The following GNA14 variants were observed in gnomAD, a reference collection of about 807,000 sequenced individuals.
The protein encoded by GNA14 is guanine nucleotide-binding protein subunit alpha-14.
GNA14 carries 50 observed loss-of-function variants against 42.0 expected under a neutral mutation model. The ratio of observed to expected loss-of-function variants is 1.19; its 90% confidence interval spans 0.95 to 1.51. The LOEUF (loss-of-function observed/expected upper bound fraction) is 1.51. GNA14 is among the 40% of genes most tolerant of loss of function. GNA14 has a pLI of 0.00. For synonymous variants in GNA14, 173 were observed against 163.1 expected (o/e 1.06, Z -0.46); for missense variants, 473 against 446.2 (o/e 1.06, Z -0.54).
At chr9:77,485,200 C>G (rs1167976601) in intron 2 of GNA14, among the ~76,000 whole-genome samples, 1 of 152,178 alleles carries the variant, frequency 6.6e-6, no homozygotes, top group African/African-American at 2.4e-5. Context: ...ATATAATACT[C>G]TAAATCTTTT....
intron 1 of GNA14, among the ~76,000 whole-genome samples, chr9:77,599,731 G>A (rs1470546042): frequency 1.3e-5 from 2 of 152,046 alleles, no homozygotes; most frequent in Non-Finnish European, 2.9e-5. Flanking sequence ...ACATGCCGTC[G>A]GGCCTCCTTC....
intron 1 of GNA14, among the ~76,000 whole-genome samples, chr9:77,573,055 G>C (rs1823082605): frequency 6.6e-6 from 1 of 152,168 alleles, no homozygotes; most frequent in Non-Finnish European, 1.5e-5. Context: ...CTGCTTGAAA[G>C]TTACTTTTAT....
At chr9:77,476,141 G>A (rs1304199990) in intron 2 of GNA14, among the ~76,000 whole-genome samples, 2 of 152,214 alleles carry the variant, frequency 1.3e-5, no homozygotes, top group Non-Finnish European at 2.9e-5. Flanking sequence ...GGGGAGGGAT[G>A]TGGTCAGAAT....
chr9:77,463,264 T>A (rs1225627922), intron 2 of GNA14, among the ~76,000 whole-genome samples: 3 of 152,124 alleles, frequency 2.0e-5, no homozygotes, highest in African/African-American at 7.2e-5. Flanking sequence ...GCCATCACAA[T>A]CAGATGCGGC....
rs116146077 is a variant in GNA14, at chr9:77,604,673, C to T, written c.124+42997G>A. On this transcript the variant is annotated intron_variant, in intron 1 of 6. Coordinates refer to ENST00000341700, the MANE Select transcript of GNA14 (RefSeq NM_004297.4). ...GAAGCAAAATCACATAATCCAGAGC[C>T]CAGAGGCCTGAGATCAAGTCATGGC... Among the ~76,000 whole-genome samples the T allele has an allele frequency of 5.1e-3, 784 of 152,288 alleles. 8 individuals carry two copies. Among genetic ancestry groups the T allele is most frequent in the African/African-American group, 0.018 (734 of 41,548 alleles).
chr9:77,526,251 G>A (rs1241508390), intron 2 of GNA14, among the ~76,000 whole-genome samples: 1 of 151,924 alleles, frequency 6.6e-6, no homozygotes, highest in African/African-American at 2.4e-5. Context: ...GATTAGAATT[G>A]GGTCTTAGAG....
chr9:77,630,628 TAAGA>T (rs1824082788), intron 1 of GNA14, among the ~76,000 whole-genome samples: 1 of 152,192 alleles, frequency 6.6e-6, no homozygotes, highest in Non-Finnish European at 1.5e-5. Context: ...ATCAAAGGAT[TAAGA>T]AACATCCCTT....
At chr9:77,595,936 G>A (rs932525217) in intron 1 of GNA14, among the ~76,000 whole-genome samples, 1 of 151,892 alleles carries the variant, frequency 6.6e-6, no homozygotes, top group Admixed American at 6.6e-5. Flanking sequence ...CCAAGCACAG[G>A]GCTACATTTG....
At chr9:77,568,093 T>A (rs1038899586) in intron 1 of GNA14, among the ~76,000 whole-genome samples, 1 of 152,156 alleles carries the variant, frequency 6.6e-6, no homozygotes, top group Non-Finnish European at 1.5e-5. Flanking sequence ...TTCTTGTTTA[T>A]CACTTTACCT....
At chr9:77,485,881 T>A (rs1836651557) in intron 2 of GNA14, among the ~76,000 whole-genome samples, 2 of 152,190 alleles carry the variant, frequency 1.3e-5, no homozygotes, top group Admixed American at 1.3e-4. Flanking sequence ...CATCCAGGCT[T>A]TGTTGTTCCA....
intron 1 of GNA14, among the ~76,000 whole-genome samples, chr9:77,569,770 C>CTTTTT (rs3052392): frequency 1.4e-5 from 2 of 142,954 alleles, no homozygotes; most frequent in African/African-American, 2.6e-5. Context: ...TCCTTTCTTT[C>CTTTTT]TTTTTTTTTT....
intron 2 of GNA14, among the ~76,000 whole-genome samples, chr9:77,507,200 C>T (rs1440964809): frequency 6.6e-6 from 1 of 152,156 alleles, no homozygotes; most frequent in African/African-American, 2.4e-5. Context: ...TTTTAAAAGT[C>T]AGAACACTTC....
chr9:77,633,163 C>G (rs1280523700), intron 1 of GNA14, among the ~76,000 whole-genome samples: 2 of 152,110 alleles, frequency 1.3e-5, no homozygotes, highest in Non-Finnish European at 2.9e-5. Flanking sequence ...CTAGGAAAAG[C>G]ACTATTTTTA....
At chr9:77,598,017 C>T (rs1489746093) in intron 1 of GNA14, among the ~76,000 whole-genome samples, 1 of 152,104 alleles carries the variant, frequency 6.6e-6, no homozygotes, top group Non-Finnish European at 1.5e-5. Context: ...CCAGCCTGGG[C>T]AACAGAGCAA....
intron 2 of GNA14, among the ~76,000 whole-genome samples, chr9:77,474,485 AAAAG>A (rs1451464764): frequency 6.6e-6 from 1 of 152,244 alleles, no homozygotes; most frequent in African/African-American, 2.4e-5. Context: ...ACTGTCACCA[AAAAG>A]ATAGACAATA....
intron 1 of GNA14, among the ~76,000 whole-genome samples, chr9:77,572,967 G>A (rs1327331581): frequency 6.6e-6 from 1 of 152,144 alleles, no homozygotes; most frequent in African/African-American, 2.4e-5. Flanking sequence ...TGACTAATAA[G>A]CCAACAATAT....
chr9:77,559,239 C>A (rs928748090), intron 1 of GNA14, among the ~76,000 whole-genome samples: 3 of 152,234 alleles, frequency 2.0e-5, no homozygotes, highest in African/African-American at 7.2e-5. Context: ...AGGAGACCAA[C>A]TTCCCAGAGG....
intron 1 of GNA14, among the ~76,000 whole-genome samples, chr9:77,578,088 AAATGGTG>A (rs1333118491): frequency 1.7e-5 from 2 of 118,840 alleles, no homozygotes; most frequent in Non-Finnish European, 3.2e-5. Context: ...CAACATGGTG[AAATGGTG>A]AAACTCCGTC....
intron 1 of GNA14, among the ~76,000 whole-genome samples, chr9:77,574,680 C>T (rs940933133): frequency 6.6e-6 from 1 of 152,182 alleles, no homozygotes; most frequent in East Asian, 1.9e-4. Context: ...CAGTAGCCAT[C>T]ACATCAGGCA....
Sources: gnomAD v4.1 joint callset for allele counts (sites outside exome capture counted in the v4.1 genomes callset) on GRCh38, gnomAD v4.1.1 for gene constraint, MANE v1.5 for transcripts, NCBI Gene and HGNC (gene_info 2026-07-23, HGNC 2026-07-21) for gene names.